NOL4: variants seen among roughly 807,000 people sequenced by gnomAD.
The protein encoded by NOL4 is nucleolar protein 4.
NOL4 carries 17 observed loss-of-function variants against 75.9 expected under a neutral mutation model. The observed-to-expected ratio is 0.22, with a 90% CI of 0.15 to 0.34. NOL4 has a LOEUF of 0.34. Ranked by LOEUF, NOL4 falls within the 10% of genes least tolerant of loss-of-function variation. NOL4 has a pLI of 1.00. For synonymous variants in NOL4, 292 were observed against 289.9 expected (o/e 1.01, Z -0.07); for missense variants, 614 against 793.5 (o/e 0.77, Z 2.72).
In NOL4 at chr18:33,957,534, G is replaced by T; in HGVS notation, c.1237-17C>A. The T allele has an allele frequency of 6.2e-7, 1 of 1,605,438 alleles. No homozygotes were observed. Among genetic ancestry groups the T allele is most frequent in the South Asian group, 1.1e-5 (1 of 90,412 alleles). The stretch of plus-strand genomic sequence containing the variant: ...GACAAACATCTGTTGGCAAGAGGGA[G>T]ACAGAGGAGAAGGGTTTGGAGGGCT... On this transcript the variant is annotated splice_polypyrimidine_tract_variant and intron_variant, in intron 7 of 10. Coordinates refer to ENST00000261592, the MANE Select transcript of NOL4 (RefSeq NM_003787.5).
At chr18:34,068,907 A>T (rs977227761) in intron 5 of NOL4, among the ~76,000 whole-genome samples, 4 of 152,192 alleles carry the variant, frequency 2.6e-5, no homozygotes, top group Admixed American at 1.3e-4. Context: ...GTGAAAGAAA[A>T]GGGATTTATT....
At chr18:34,060,555 T>C (rs933322568) in intron 5 of NOL4, among the ~76,000 whole-genome samples, 2 of 152,226 alleles carry the variant, frequency 1.3e-5, no homozygotes, top group Non-Finnish European at 2.9e-5. Context: ...TTCCCATTAT[T>C]GAAATATAAG....
chr18:34,035,041 A>G (rs2075823820), intron 5 of NOL4, among the ~76,000 whole-genome samples: 1 of 152,200 alleles, frequency 6.6e-6, no homozygotes, highest in African/African-American at 2.4e-5. Context: ...CCCTACTCTA[A>G]GCATTACACC....
At chr18:34,057,833 A>T (rs1254902143) in intron 5 of NOL4, among the ~76,000 whole-genome samples, 1 of 152,188 alleles carries the variant, frequency 6.6e-6, no homozygotes, top group Non-Finnish European at 1.5e-5. Context: ...ATTATTACAC[A>T]GTGTAAGTTA....
At chr18:34,034,396 CATT>C (rs61625048) in intron 5 of NOL4, among the ~76,000 whole-genome samples, 1,988 of 152,210 alleles carry the variant, frequency 0.013, 44 homozygotes, top group African/African-American at 0.046. Context: ...TCTAAAGACT[CATT>C]ATAGAATGAA....
At chr18:33,943,242 A>T (rs1377208785) in intron 8 of NOL4, 64 bp from the exon 9 acceptor site, 8 of 1,056,492 alleles carry the variant, frequency 7.6e-6, no homozygotes, top group Admixed American at 3.8e-5. Context: ...GGCCAATGCT[A>T]TTCTCAGAAG....
intron 1 of NOL4, among the ~76,000 whole-genome samples, chr18:34,190,837 TG>T (rs1315900908): frequency 1.3e-5 from 2 of 152,074 alleles, no homozygotes; most frequent in Admixed American, 1.3e-4. Flanking sequence ...GATCAGAACA[TG>T]ATAGAAATAA....
chr18:34,159,379 C>A (rs931247801), intron 1 of NOL4, among the ~76,000 whole-genome samples: 1 of 152,100 alleles, frequency 6.6e-6, no homozygotes, highest in Non-Finnish European at 1.5e-5. Context: ...AGTGCTGGGG[C>A]CTGGATGAGA....
At chr18:33,931,857 T>TTTTTAAATATATATATTTAAAACTGC (rs1427519597) in intron 9 of NOL4, among the ~76,000 whole-genome samples, 10 of 152,076 alleles carry the variant, frequency 6.6e-5, no homozygotes, top group African/African-American at 2.2e-4. Flanking sequence ...AGTTTTTATG[T>TTTTTAAATATATATATTTAAAACTGC]TTTTAAATAT....
chr18:33,958,303 T>G lies in NOL4; in HGVS notation c.1172A>C (p.His391Pro). The change falls in exon 7 of 11, where the codon CAT becomes CCT. Residue 391 changes from histidine (H) to proline (P), a missense_variant. Physicochemically the swap from His to Pro is moderately conservative, Grantham distance 77. This residue lies in a region of NOL4 where 196 missense variants were observed against 167.9 expected (regional missense o/e 1.17). Coordinates refer to ENST00000261592, the MANE Select transcript of NOL4 (RefSeq NM_003787.5). ...CTCATTAACTTTCTCCGAATCGTCATGGTCCTCGTGGTCATCTTCGTCCTC... is the reference window on the plus strand; with the variant it reads ...CTCATTAACTTTCTCCGAATCGTCAGGGTCCTCGTGGTCATCTTCGTCCTC... ...GDEDEDDHED[H>P]DDSEKVNETD... is the part of the protein sequence containing the mutation. The G allele has an allele frequency of 1.9e-6, 3 of 1,613,802 alleles. No homozygotes were observed. The highest frequency in any genetic ancestry group is 1.1e-5 in the South Asian group (1 of 91,066).
chr18:34,179,036 A>C (rs1032897921), intron 1 of NOL4, among the ~76,000 whole-genome samples: 3 of 151,640 alleles, frequency 2.0e-5, no homozygotes, highest in African/African-American at 7.2e-5. Context: ...CAACAACATA[A>C]ATCAATTTGG....
chr18:34,128,048 G>A (rs536742660), intron 2 of NOL4, among the ~76,000 whole-genome samples: 1 of 151,958 alleles, frequency 6.6e-6, no homozygotes, highest in African/African-American at 2.4e-5. Flanking sequence ...TGTGTACACT[G>A]GAAACATGTT....
At chr18:34,175,547 G>T (rs1051059656) in intron 1 of NOL4, among the ~76,000 whole-genome samples, 1 of 152,076 alleles carries the variant, frequency 6.6e-6, no homozygotes, top group Non-Finnish European at 1.5e-5. Context: ...TCTAAGACTG[G>T]GCTAAGCTTT....
chr18:34,119,103 ACT>A (rs972853067), intron 2 of NOL4, among the ~76,000 whole-genome samples: 13 of 152,186 alleles, frequency 8.5e-5, no homozygotes, highest in African/African-American at 3.1e-4. Flanking sequence ...CAAAAAGAAA[ACT>A]CTCAGATAAA....
chr18:33,872,867 G>T (rs978496588), intron 10 of NOL4, among the ~76,000 whole-genome samples: 3 of 152,066 alleles, frequency 2.0e-5, no homozygotes, highest in South Asian at 4.2e-4. Context: ...TTTAAAATAG[G>T]AAAATACTTT....
At chr18:34,119,918 G>A (rs2080057930) in intron 2 of NOL4, among the ~76,000 whole-genome samples, 2 of 152,016 alleles carry the variant, frequency 1.3e-5, no homozygotes, top group Admixed American at 6.6e-5. Flanking sequence ...CACCGCGCCC[G>A]GCCTGATTTT....
chr18:34,091,331 C>G (rs560566029), intron 5 of NOL4, among the ~76,000 whole-genome samples: 33 of 152,116 alleles, frequency 2.2e-4, no homozygotes, highest in African/African-American at 8.0e-4. Flanking sequence ...CCACTACACT[C>G]CAGCCTGGGC....
rs112895855 is a variant in NOL4 at position 33,957,065 on chromosome 18, T to C, written c.1428+261A>G. 6.3e-3 allele frequency among the ~76,000 whole-genome samples: 961 copies of C among 152,138 alleles called. 3 individuals carry two copies. Among genetic ancestry groups the C allele is most frequent in the Non-Finnish European group, 0.01 (697 of 68,006 alleles). ...CTCACTGGTGTTTACTCATATCACC[T>C]TTATTTTCTGTGACATGGTACCACG... On this transcript the variant is annotated intron_variant, in intron 8 of 10. Transcript: ENST00000261592.
chr18:34,037,541 G>T (rs1229839945), intron 5 of NOL4, among the ~76,000 whole-genome samples: 1 of 152,072 alleles, frequency 6.6e-6, no homozygotes, highest in East Asian at 1.9e-4. Context: ...AACCAATACA[G>T]CATGGTATTG....
Sources: gnomAD v4.1 joint callset for allele counts (sites outside exome capture counted in the v4.1 genomes callset) on GRCh38, gnomAD v4.1.1 for gene constraint, gnomAD v4.1.1 regional missense constraint, MANE v1.5 for transcripts, NCBI Gene and HGNC (gene_info 2026-07-23, HGNC 2026-07-21) for gene names.